SLC2A5: variants seen among roughly 807,000 people sequenced by gnomAD.
SLC2A5 encodes the protein solute carrier family 2 member 5, also known as solute carrier family 2, facilitated glucose transporter member 5.
Under a neutral mutation model 50.3 loss-of-function variants are expected in SLC2A5, and 56 were observed. That is an observed-to-expected ratio of 1.11 (90% CI 0.90 to 1.39). SLC2A5 has a LOEUF of 1.39. Ranked by LOEUF, SLC2A5 falls within the 40% of genes most tolerant of loss-of-function variation. The pLI, the probability that SLC2A5 is intolerant of heterozygous loss-of-function variation, is 0.00. For synonymous variants in SLC2A5, 269 were observed against 281.9 expected (o/e 0.95, Z 0.46); for missense variants, 566 against 650.1 (o/e 0.87, Z 1.41).
chr1:9,077,229 G>A (rs1160688521), intron 2 of SLC2A5, among the ~76,000 whole-genome samples: 4 of 148,154 alleles, frequency 2.7e-5, no homozygotes, highest in Non-Finnish European at 6.0e-5. Flanking sequence ...GTAAGATACC[G>A]TCTCTACAAA....
rs571761686 is a variant in SLC2A5 at position 9,038,760 on chromosome 1, G to A, written c.1098+68C>T. The A allele has an allele frequency of 8.7e-5, 130 of 1,498,306 alleles. 3 individuals are homozygous for A. The South Asian group carries it at 1.2e-3, about 14-fold the overall frequency. 92.8% of individuals were successfully genotyped at this position (1,498,306 alleles called of 1,614,324 possible). The stretch of plus-strand genomic sequence containing the variant: ...CTTTTATTTTAAGGCAGGTGGAGGC[G>A]CAGGATGGGAGGGGCACTGGTCTTC... On this transcript the variant is annotated intron_variant, in intron 9 of 11. Transcript: ENST00000377424.
At chr1:9,063,404 G>A (rs112717685) in intron 1 of SLC2A5, among the ~76,000 whole-genome samples, 5,021 of 151,606 alleles carry the variant, frequency 0.033, 285 homozygotes, top group African/African-American at 0.12. Flanking sequence ...ACAGAGTCTC[G>A]CTCTGTCGCC....
intron 1 of SLC2A5, chr1:9,085,162 T>C (rs541563034): frequency 1.3e-5 from 2 of 152,326 alleles, no homozygotes; most frequent in African/African-American, 4.8e-5. Flanking sequence ...ATGAAAAGAG[T>C]CAAACTGTAA....
intron 3 of SLC2A5, among the ~76,000 whole-genome samples, chr1:9,050,233 T>C (rs1641535450): frequency 6.6e-6 from 1 of 151,548 alleles, no homozygotes; most frequent in Admixed American, 6.6e-5. Flanking sequence ...GCTGAGATTA[T>C]GCCACTTGCA....
chr1:9,069,841 A>C, upstream of SLC2A5: 1 of 317,622 alleles, frequency 3.1e-6, no homozygotes, highest in Non-Finnish European at 5.9e-6. Flanking sequence ...TCTACCAGTC[A>C]GGCTCATGGT....
chr1:9,045,131 C>T (rs1641404563), intron 4 of SLC2A5, among the ~76,000 whole-genome samples: 1 of 152,156 alleles, frequency 6.6e-6, no homozygotes, highest in African/African-American at 2.4e-5. Flanking sequence ...CTTGCCAGGC[C>T]ACATCACAAC....
At chr1:9,079,692 G>A (rs1189839549) in intron 2 of SLC2A5, among the ~76,000 whole-genome samples, 1 of 152,106 alleles carries the variant, frequency 6.6e-6, no homozygotes, top group East Asian at 1.9e-4. Context: ...TCACCATGTT[G>A]GCCAGGCTGA....
At position 9,047,740 on chromosome 1, in the gene SLC2A5, G is replaced by A. The variant is rs1204314100; in HGVS notation, c.294-6C>T. ...TGAACAGCAAGGCCCCTTTTCTGCA[G>A]AGGACAAAATATCAGTTAGTTTTGC... On this transcript the variant is annotated splice_polypyrimidine_tract_variant and splice_region_variant and intron_variant, in intron 3 of 11. Transcript: ENST00000377424. The A allele has an allele frequency of 1.9e-6, 3 of 1,612,510 alleles. No individual in the cohort carries two copies. Among genetic ancestry groups the A allele is most frequent in the African/African-American group, 2.7e-5 (2 of 74,866 alleles).
At chr1:9,048,992 A>T in intron 3 of SLC2A5, 1 of 367,996 alleles carries the variant, frequency 2.7e-6, no homozygotes, top group Non-Finnish European at 5.4e-6. Flanking sequence ...AACTATAAAT[A>T]GAAGAACTTC....
At chr1:9,057,994 C>G (rs1329688008) in intron 2 of SLC2A5, among the ~76,000 whole-genome samples, 158 bp downstream of exon 2, 3 of 152,242 alleles carry the variant, frequency 2.0e-5, no homozygotes, top group Admixed American at 2.0e-4. Context: ...AGACCTGTGT[C>G]TGCGAGTTCC....
intron 3 of SLC2A5, among the ~76,000 whole-genome samples, chr1:9,052,013 C>T (rs574248678): frequency 2.5e-4 from 38 of 152,280 alleles, no homozygotes; most frequent in Admixed American, 1.6e-3. Context: ...GGGCCAGGCG[C>T]GGTGGCTCAC....
intron 1 of SLC2A5, among the ~76,000 whole-genome samples, chr1:9,067,460 C>A (rs535352110): frequency 7.9e-5 from 12 of 152,328 alleles, no homozygotes; most frequent in Non-Finnish European, 1.8e-4. Flanking sequence ...TGTTTCCATT[C>A]CTTTCTGCAG....
Position 9,065,324 on chromosome 1 carries a change from C to G in SLC2A5, c.33+4180G>C, listed in dbSNP as rs75598191. 3.8e-4 allele frequency among the ~76,000 whole-genome samples: 58 copies of G among 152,286 alleles called. 3 individuals carry two copies. In the East Asian group the frequency reaches 9.4e-3, roughly 25 times the overall value. Reference sequence around the variant, plus strand: ...ACAATCCTCAAGGCTGACCTTCTGACAGGGTACGATTCAAGGTCACTGGGA... The same window carrying G: ...ACAATCCTCAAGGCTGACCTTCTGAGAGGGTACGATTCAAGGTCACTGGGA... On this transcript the variant is annotated intron_variant, in intron 1 of 11. Coordinates refer to ENST00000377424, the MANE Select transcript of SLC2A5 (RefSeq NM_003039.3).
intron 1 of SLC2A5, among the ~76,000 whole-genome samples, chr1:9,063,292 C>A (rs1188181363): frequency 6.6e-6 from 1 of 152,088 alleles, no homozygotes; most frequent in African/African-American, 2.4e-5. Flanking sequence ...TGGTCTCAAT[C>A]CTCCTGCCTC....
In SLC2A5 at chr1:9,037,937, A is replaced by G. The variant is rs1557659885; in HGVS notation, c.1262T>C (p.Leu421Pro). ...GATCAAGCCCACGGTGAAGTTGGAG[A>G]GCCAGTGCACACTGCCCCCCACCAT... Reference protein sequence around the residue: ...AFMVGGSVHWLSNFTVGLIFP... With the variant: ...AFMVGGSVHWPSNFTVGLIFP... The change falls in exon 11 of 12, where the codon CTC (leucine) becomes CCC (proline). Residue 421 changes from leucine to proline, a missense_variant. Leu to Pro is a moderately conservative substitution (Grantham distance 98). Coordinates refer to ENST00000377424, the MANE Select transcript of SLC2A5 (RefSeq NM_003039.3). 2 of 1,613,922 alleles carry G rather than the reference A, an allele frequency of 1.2e-6. No individual in the cohort carries two copies. The highest frequency in any genetic ancestry group is 3.3e-5 in the Admixed American group (2 of 60,020).
At chr1:9,059,060 A>C (rs1045543496) in intron 1 of SLC2A5, among the ~76,000 whole-genome samples, 2 of 150,290 alleles carry the variant, frequency 1.3e-5, no homozygotes, top group African/African-American at 4.9e-5. Flanking sequence ...TGTTGGAGAG[A>C]GCTTGGGACG....
chr1:9,056,892 C>A (rs953021983), intron 3 of SLC2A5, among the ~76,000 whole-genome samples: 8 of 152,116 alleles, frequency 5.3e-5, no homozygotes, highest in Non-Finnish European at 7.4e-5. Context: ...CGGGTCTGCC[C>A]GAGGGCCTGT....
rs575479749 is a variant in SLC2A5, at chr1:9,049,033, C to T, written c.294-1299G>A. On this transcript the variant is annotated intron_variant, in intron 3 of 11. Transcript: ENST00000377424. ...GCTGATAAAGGAAATCTACCTAAAACCTATATCAAACATCACACTTAATAA... is the reference window on the plus strand; with the variant it reads ...GCTGATAAAGGAAATCTACCTAAAATCTATATCAAACATCACACTTAATAA... 4.0e-4 allele frequency: 170 copies of T among 425,394 alleles called. 2 individuals are homozygous for T. Among genetic ancestry groups the T allele is most frequent in the African/African-American group, 2.8e-3 (137 of 48,298 alleles). 26.4% of individuals were successfully genotyped at this position (425,394 alleles called of 1,614,324 possible).
intron 1 of SLC2A5, among the ~76,000 whole-genome samples, chr1:9,086,257 T>C (rs1642400638): frequency 6.6e-6 from 1 of 152,128 alleles, no homozygotes; most frequent in Non-Finnish European, 1.5e-5. Flanking sequence ...GTCAATTGAC[T>C]GAAACCATGG....
Sources: allele counts gnomAD v4.1 joint callset (sites outside exome capture counted in the v4.1 genomes callset), GRCh38; gene constraint gnomAD v4.1.1; transcripts MANE v1.5; gene names NCBI Gene and HGNC (gene_info 2026-07-23, HGNC 2026-07-21).